The following FLRT2 variants were observed in gnomAD, a reference collection of about 807,000 sequenced individuals.
The protein encoded by FLRT2 is leucine-rich repeat transmembrane protein FLRT2.
In FLRT2, 15 loss-of-function variants were observed where a neutral mutation model predicts 40.0. That is an observed-to-expected ratio of 0.38 (90% CI 0.25 to 0.58). FLRT2 has a LOEUF of 0.58. FLRT2 is among the 20% of genes least tolerant of loss of function. FLRT2 has a pLI of 0.71. For synonymous variants in FLRT2, 380 were observed against 336.8 expected (o/e 1.13, Z -1.41); for missense variants, 726 against 840.0 (o/e 0.86, Z 1.68).
rs1308940819 is a variant in FLRT2, at chr14:85,638,619, G to C, written c.*15122G>C. 6.6e-6 allele frequency: 1 copy of C among 152,148 alleles called. No individual in the cohort carries two copies. Among genetic ancestry groups the C allele is most frequent in the Non-Finnish European group, 1.5e-5 (1 of 68,044 alleles). 9.4% of individuals were successfully genotyped at this position (152,148 alleles called of 1,614,324 possible). A position where few individuals can be genotyped will look rare whatever the true frequency, so the allele number is the denominator to read the frequency against. On this transcript the variant is annotated 3_prime_UTR_variant, in exon 2 of 2. Transcript: ENST00000330753. ...AGCCTACTTCACACTTCTTCTCAAGGCTGTCTTGAATTCCTCCAACAATAG... is the reference window on the plus strand; with the variant it reads ...AGCCTACTTCACACTTCTTCTCAAGCCTGTCTTGAATTCCTCCAACAATAG...
intron 1 of FLRT2, among the ~76,000 whole-genome samples, chr14:85,585,197 A>C (rs1891562976): frequency 6.6e-6 from 1 of 152,034 alleles, no homozygotes; most frequent in Non-Finnish European, 1.5e-5. Flanking sequence ...TGTCATCAAC[A>C]CTCAATAAGC....
intron 1 of FLRT2, chr14:85,562,620 C>CTTTCTTTTT (rs528652422): frequency 6.9e-5 from 8 of 115,516 alleles, no homozygotes; most frequent in Middle Eastern, 5.4e-3. Context: ...TTCTTTCTTT[C>CTTTCTTTTT]TTTTTTTTTT....
rs17646348 is a variant in FLRT2, at chr14:85,622,177, C to A, written c.663C>A (p.Ile221=). The A allele has an allele frequency of 1.2e-6, 2 of 1,614,108 alleles. No individual in the cohort carries two copies. The highest frequency in any genetic ancestry group is 1.3e-5 in the African/African-American group (1 of 75,024). Residue 221 remains isoleucine, a synonymous_variant, in exon 2 of 2, where the codon ATC becomes ATA. Transcript: ENST00000330753. ...GGAACCTCCTGACCAACAAGGGTAT[C>A]GCCGAGGGCACCTTCAGCCATCTCA... ...VDGNLLTNKG[I]AEGTFSHLTK... is the part of the protein sequence containing the mutation.
In FLRT2 at chr14:85,635,020, G is replaced by A. The variant is rs1893969513; in HGVS notation, c.*11523G>A. The A allele has an allele frequency of 6.6e-6, 1 of 152,114 alleles. No homozygotes were observed. Among genetic ancestry groups the A allele is most frequent in the Non-Finnish European group, 1.5e-5 (1 of 68,014 alleles). The allele number at this position is 152,114 out of a possible 1,614,324, so 9.4% of individuals were successfully genotyped here. ...GTGCTTTTAAAATTCAGGAAGATGT[G>A]ACTAGGATAGATAAAGCAAACATAT... On this transcript the variant is annotated 3_prime_UTR_variant, in exon 2 of 2. Coordinates refer to ENST00000330753, the MANE Select transcript of FLRT2 (RefSeq NM_013231.6).
In FLRT2 at chr14:85,641,782, T is replaced by A. The variant is rs1894154834; in HGVS notation, c.*18285T>A. On this transcript the variant is annotated 3_prime_UTR_variant, in exon 2 of 2. Coordinates refer to ENST00000330753, the MANE Select transcript of FLRT2 (RefSeq NM_013231.6). ...GGGTATAAATTTGATATTGGTTACCTAAACTGTCTGAATTTGAAAGTAGAG... is the reference window on the plus strand; with the variant it reads ...GGGTATAAATTTGATATTGGTTACCAAAACTGTCTGAATTTGAAAGTAGAG... 1.3e-5 allele frequency: 2 copies of A among 152,188 alleles called. No individual in the cohort carries two copies. Among genetic ancestry groups the A allele is most frequent in the Non-Finnish European group, 2.9e-5 (2 of 68,034 alleles). The allele number at this position is 152,188 out of a possible 1,614,324, so 9.4% of individuals were successfully genotyped here. A position where few individuals can be genotyped will look rare whatever the true frequency, so the allele number is the denominator to read the frequency against.
chr14:85,592,777 G>A (rs1477644052), intron 1 of FLRT2, among the ~76,000 whole-genome samples: 11 of 95,064 alleles, frequency 1.2e-4, no homozygotes, highest in Admixed American at 2.9e-4. Flanking sequence ...TGACAGGAGC[G>A]AAACTCCGTC....
rs1334828295 is a variant in FLRT2, at chr14:85,639,862, T to A, written c.*16365T>A. The A allele has an allele frequency of 2.4e-4, 35 of 147,050 alleles. No individual in the cohort carries two copies. Among genetic ancestry groups the A allele is most frequent in the African/African-American group, 6.8e-4 (27 of 39,700 alleles). The allele number at this position is 147,050 out of a possible 1,614,324, so 9.1% of individuals were successfully genotyped here. Reference sequence around the variant, plus strand: ...TTTTTTTTTTTTTCCTTTTTTTTTTTTTTTGAGACAGTGTCTCGCTCTGTC... The same window carrying A: ...TTTTTTTTTTTTTCCTTTTTTTTTTATTTTGAGACAGTGTCTCGCTCTGTC... On this transcript the variant is annotated 3_prime_UTR_variant, in exon 2 of 2. Transcript: ENST00000330753.
rs1211748179 is a variant in FLRT2, at chr14:85,636,555, T to C, written c.*13058T>C. 1 of 151,884 alleles carries C rather than the reference T, an allele frequency of 6.6e-6. No individual in the cohort carries two copies. Among genetic ancestry groups the C allele is most frequent in the East Asian group, 1.9e-4 (1 of 5,178 alleles). The allele number at this position is 151,884 out of a possible 1,614,324, so 9.4% of individuals were successfully genotyped here. A position where few individuals can be genotyped will look rare whatever the true frequency, so the allele number is the denominator to read the frequency against. On this transcript the variant is annotated 3_prime_UTR_variant, in exon 2 of 2. Transcript: ENST00000330753. ...AAGGAAATCTGTTTTAAAAAGCCAGTATAAACTGAAAAGTAAGCAACAAAA... is the reference window on the plus strand; with the variant it reads ...AAGGAAATCTGTTTTAAAAAGCCAGCATAAACTGAAAAGTAAGCAACAAAA...
At chr14:85,554,299 A>G (rs1437122248) in intron 1 of FLRT2, among the ~76,000 whole-genome samples, 1 of 152,244 alleles carries the variant, frequency 6.6e-6, no homozygotes, top group Non-Finnish European at 1.5e-5. Flanking sequence ...TACATTGTAG[A>G]AGATAAACAT....
Position 85,636,556 on chromosome 14 carries a change from A to G in FLRT2, c.*13059A>G, listed in dbSNP as rs1268081265. 1 of 152,154 alleles carries G rather than the reference A, an allele frequency of 6.6e-6. No individual in the cohort carries two copies. Among genetic ancestry groups the G allele is most frequent in the Non-Finnish European group, 1.5e-5 (1 of 68,034 alleles). 9.4% of individuals were successfully genotyped at this position (152,154 alleles called of 1,614,324 possible). A position where few individuals can be genotyped will look rare whatever the true frequency, so the allele number is the denominator to read the frequency against. ...AGGAAATCTGTTTTAAAAAGCCAGT[A>G]TAAACTGAAAAGTAAGCAACAAAAC... On this transcript the variant is annotated 3_prime_UTR_variant, in exon 2 of 2. Coordinates refer to ENST00000330753, the MANE Select transcript of FLRT2 (RefSeq NM_013231.6).
At chr14:85,582,299 A>C (rs1481958220) in intron 1 of FLRT2, among the ~76,000 whole-genome samples, 1 of 152,140 alleles carries the variant, frequency 6.6e-6, no homozygotes, top group Non-Finnish European at 1.5e-5. Context: ...GGTTTGTTTC[A>C]ATTTAGGAAC....
In FLRT2 at chr14:85,621,403, C is replaced by A; in HGVS notation, c.-112C>A. ...TACGCCCTCAGGACGTTCCCTCTAG[C>A]TGGAGTTCTGGACTTCAACAGAACC... is the stretch of plus-strand genomic sequence containing the variant. On this transcript the variant is annotated 5_prime_UTR_variant, in exon 2 of 2. In the 5' UTR this introduces an upstream ATG that the reference lacks. Coordinates refer to ENST00000330753, the MANE Select transcript of FLRT2 (RefSeq NM_013231.6). 1.0e-6 allele frequency: 1 copy of A among 954,502 alleles called. No individual in the cohort carries two copies. The highest frequency in any genetic ancestry group is 1.5e-6 in the Non-Finnish European group (1 of 653,062). 59.1% of individuals were successfully genotyped at this position (954,502 alleles called of 1,614,324 possible). A position where few individuals can be genotyped will look rare whatever the true frequency, so the allele number is the denominator to read the frequency against.
At chr14:85,567,455 G>T (rs558664576) in intron 1 of FLRT2, among the ~76,000 whole-genome samples, 1 of 152,172 alleles carries the variant, frequency 6.6e-6, no homozygotes, top group South Asian at 2.1e-4. Flanking sequence ...AGACTGCATT[G>T]GCTTATATCT....
At chr14:85,593,447 G>T (rs1213287505) in intron 1 of FLRT2, among the ~76,000 whole-genome samples, 1 of 149,336 alleles carries the variant, frequency 6.7e-6, no homozygotes, top group Non-Finnish European at 1.5e-5. Flanking sequence ...CTTTCACAGG[G>T]CTCTTCCTTA....
At chr14:85,551,201 A>C (rs2139825421) in intron 1 of FLRT2, among the ~76,000 whole-genome samples, 1 of 152,306 alleles carries the variant, frequency 6.6e-6, no homozygotes, top group South Asian at 2.1e-4. Flanking sequence ...AAAATGAAGA[A>C]ATTTAAACTT....
intron 1 of FLRT2, among the ~76,000 whole-genome samples, chr14:85,540,306 C>T (rs955030377): frequency 1.3e-5 from 2 of 152,104 alleles, no homozygotes; most frequent in Non-Finnish European, 2.9e-5. Flanking sequence ...ATGAAGCCAA[C>T]GTGTATTCCA....
At chr14:85,607,655 G>A (rs1029521984) in intron 1 of FLRT2, among the ~76,000 whole-genome samples, 1 of 152,168 alleles carries the variant, frequency 6.6e-6, no homozygotes, top group Non-Finnish European at 1.5e-5. Flanking sequence ...TTTTTGCTTT[G>A]CAGTCCTTCT....
intron 1 of FLRT2, among the ~76,000 whole-genome samples, chr14:85,613,065 G>T (rs377439790): frequency 1.3e-5 from 2 of 151,914 alleles, no homozygotes; most frequent in Non-Finnish European, 2.9e-5. Context: ...CCTATTTTAC[G>T]TTGATTCTAA....
At chr14:85,531,742 G>GTAT (rs1566710672) in intron 1 of FLRT2, among the ~76,000 whole-genome samples, 4 of 152,180 alleles carry the variant, frequency 2.6e-5, no homozygotes, top group Admixed American at 6.5e-5. Context: ...CCCGGGATAC[G>GTAT]TATTAGTCAC....
Sources: allele counts gnomAD v4.1 joint callset (sites outside exome capture counted in the v4.1 genomes callset), GRCh38; gene constraint gnomAD v4.1.1; transcripts MANE v1.5; gene names NCBI Gene and HGNC (gene_info 2026-07-23, HGNC 2026-07-21).